Variants in TTC28 observed in about 807,000 individuals in gnomAD.
TTC28 encodes the protein tetratricopeptide repeat domain 28, also known as tetratricopeptide repeat protein 28.
In TTC28, 61 loss-of-function variants were observed where a neutral mutation model predicts 198.0. The observed-to-expected ratio is 0.31, with a 90% confidence interval of 0.25 to 0.38. The LOEUF (loss-of-function observed/expected upper bound fraction) is 0.38, where lower values mean the gene tolerates loss of function less well. Among genes scored for constraint, TTC28 ranks in the 10% least tolerant of loss-of-function variants. TTC28 has a pLI of 1.00. For missense variants in TTC28, 2,678 were observed against 3,164.0 expected (o/e 0.85, Z 3.69); for synonymous variants, 1,171 against 1,297.8 (o/e 0.90, Z 2.10).
chr22:28,444,189 T>A (rs1314334147), intron 2 of TTC28, among the ~76,000 whole-genome samples: 1 of 152,222 alleles, frequency 6.6e-6, no homozygotes, highest in Non-Finnish European at 1.5e-5. Context: ...TGTCAACTCC[T>A]AAACCACCAT....
intron 12 of TTC28, among the ~76,000 whole-genome samples, chr22:28,056,745 T>C (rs1940305999): frequency 6.6e-6 from 1 of 152,314 alleles, no homozygotes; most frequent in South Asian, 2.1e-4. Flanking sequence ...TCTATCAAGA[T>C]TTAGAGCATT....
intron 5 of TTC28, among the ~76,000 whole-genome samples, chr22:28,287,527 C>T (rs887407975): frequency 7.2e-5 from 11 of 151,958 alleles, no homozygotes; most frequent in Non-Finnish European, 1.6e-4. Flanking sequence ...GACAACTAAA[C>T]CTGAAAAAGG....
At chr22:28,631,462 A>C (rs2051172507) in intron 1 of TTC28, among the ~76,000 whole-genome samples, 1 of 152,218 alleles carries the variant, frequency 6.6e-6, no homozygotes, top group South Asian at 2.1e-4. Context: ...ATAATTTTAT[A>C]GCAGCAGTGC....
intron 11 of TTC28, 78 bp downstream of exon 11, chr22:28,096,112 A>G: frequency 6.9e-7 from 1 of 1,446,590 alleles, no homozygotes. Flanking sequence ...ATGATAATGC[A>G]CCTATTCCAC....
In TTC28 at chr22:27,982,325, CG is replaced by C; in HGVS notation, c.7341del (p.Ala2448ProfsTer12). On this transcript the variant is annotated frameshift_variant, in exon 23 of 23. Transcript: ENST00000397906. LOFTEE classifies it high-confidence loss of function. The surrounding 1 kb of genome is among the most constrained non-coding windows in gnomAD (Gnocchi z 5.2). Reference protein sequence around the residue: ...ETTSLGSLPLPAGPPATAPAR... With the variant: ...ETTSLGSLPLXAGPPATAPAR... ...GCGGGGGCTGTGGCGGGAGGGCCGG[CG>C]GGCAGCGGCAGTGAGCCCAGCGAGG... 2 of 1,528,358 alleles carry C rather than the reference CG, an allele frequency of 1.3e-6. No individual in the cohort carries two copies. The highest frequency in any genetic ancestry group is 1.8e-6 in the Non-Finnish European group (2 of 1,134,612). 94.7% of individuals were successfully genotyped at this position (1,528,358 alleles called of 1,614,324 possible).
intron 2 of TTC28, among the ~76,000 whole-genome samples, chr22:28,376,175 T>A (rs1483090923): frequency 6.6e-6 from 1 of 152,218 alleles, no homozygotes; most frequent in Non-Finnish European, 1.5e-5. Context: ...CTATTGGTTG[T>A]GTCTCCCTGG....
intron 5 of TTC28, among the ~76,000 whole-genome samples, chr22:28,274,653 G>A (rs1271434009): frequency 6.6e-6 from 1 of 152,184 alleles, no homozygotes; most frequent in Non-Finnish European, 1.5e-5. Context: ...CAAAAAAGAA[G>A]TATGGATTGC....
chr22:28,225,470 G>C (rs918444081), intron 5 of TTC28, among the ~76,000 whole-genome samples: 1 of 151,992 alleles, frequency 6.6e-6, no homozygotes, highest in African/African-American at 2.4e-5. Flanking sequence ...ACCCATTCCT[G>C]CTTCCACCAA....
Position 28,099,030 on chromosome 22 carries a change from T to C in TTC28, c.3432A>G (p.Ser1144=). 1.3e-6 allele frequency: 2 copies of C among 1,552,022 alleles called. No homozygotes were observed. The highest frequency in any genetic ancestry group is 1.7e-6 in the Non-Finnish European group (2 of 1,147,058). The change falls in exon 10 of 23, where the codon TCA becomes TCG. Residue 1144 remains serine (S), a synonymous_variant. Transcript: ENST00000397906. ...EEAQHQLYRA[S]ALFETIRHEA... Reference sequence around the variant, plus strand: ...CATGTCGGATTGTTTCAAACAAGGCTGATGCCCTATAAAGCTGCAAGGAGG... The same window carrying C: ...CATGTCGGATTGTTTCAAACAAGGCCGATGCCCTATAAAGCTGCAAGGAGG...
intron 6 of TTC28, among the ~76,000 whole-genome samples, chr22:28,127,332 C>T: frequency 6.6e-6 from 1 of 152,166 alleles, no homozygotes; most frequent in African/African-American, 2.4e-5. Flanking sequence ...AAGTGTAAGG[C>T]ATGATTTCAC....
At chr22:28,223,846 C>T (rs1425401056) in intron 5 of TTC28, among the ~76,000 whole-genome samples, 2 of 152,284 alleles carry the variant, frequency 1.3e-5, no homozygotes, top group South Asian at 2.1e-4. Context: ...TAAAAACTCA[C>T]AAAAGCCTGA....
intron 16 of TTC28, among the ~76,000 whole-genome samples, chr22:27,996,631 T>TGCCATGGGG (rs575294845): frequency 0.014 from 2,184 of 152,098 alleles, 31 homozygotes; most frequent in Non-Finnish European, 0.019. Context: ...ATCTCCTCCT[T>TGCCATGGGG]GCCATGGGGG....
chr22:28,360,628 C>T (rs1244601398), intron 2 of TTC28, among the ~76,000 whole-genome samples: 1 of 152,076 alleles, frequency 6.6e-6, no homozygotes, highest in East Asian at 1.9e-4. Flanking sequence ...ATCACCAGTA[C>T]ACATGAACAA....
chr22:28,612,264 CAA>C (rs1190891909), intron 2 of TTC28, among the ~76,000 whole-genome samples: 1 of 152,144 alleles, frequency 6.6e-6, no homozygotes, highest in African/African-American at 2.4e-5. Context: ...ATCACTGCAA[CAA>C]GAGAGCTAAC....
intron 2 of TTC28, among the ~76,000 whole-genome samples, chr22:28,311,856 C>T (rs2045263731): frequency 6.6e-6 from 1 of 151,914 alleles, no homozygotes; most frequent in Non-Finnish European, 1.5e-5. Context: ...CATCATTCTA[C>T]TCTATCTCCA....
At chr22:28,123,156 A>T (rs2146944007) in intron 6 of TTC28, among the ~76,000 whole-genome samples, 1 of 152,350 alleles carries the variant, frequency 6.6e-6, no homozygotes, top group South Asian at 2.1e-4. Flanking sequence ...AAGAACTTCA[A>T]GCCCAGTATC....
At chr22:28,391,072 A>G (rs1266240750) in intron 2 of TTC28, among the ~76,000 whole-genome samples, 1 of 151,962 alleles carries the variant, frequency 6.6e-6, no homozygotes, top group African/African-American at 2.4e-5. Flanking sequence ...GCTTGTCTGT[A>G]AAGGATTTTA....
At chr22:28,371,509 C>CAAAAA (rs1229801209) in intron 2 of TTC28, among the ~76,000 whole-genome samples, 412 of 6,088 alleles carry the variant, frequency 0.068, 88 homozygotes, top group Non-Finnish European at 0.1. Flanking sequence ...GACCCTGTCT[C>CAAAAA]AAAAAAAAAA....
chr22:28,576,490 T>C lies in TTC28; in HGVS notation c.381+53062A>G, dbSNP rs1189026642. Among the ~76,000 whole-genome samples the C allele has an allele frequency of 2.6e-5, 4 of 152,126 alleles. No homozygotes were observed. In the East Asian group the frequency reaches 7.7e-4, roughly 29 times the overall value. ...TATCTAGTTTTCGTAGTGGTAATAT[T>C]AGCCTCATAGAATGAGTTTGGAAGT... On this transcript the variant is annotated intron_variant, in intron 2 of 22. Coordinates refer to ENST00000397906, the MANE Select transcript of TTC28 (RefSeq NM_001145418.2).
Sources: gnomAD v4.1 joint callset for allele counts (sites outside exome capture counted in the v4.1 genomes callset) on GRCh38, gnomAD v4.1.1 for gene constraint, Gnocchi (gnomAD v3.1) non-coding constraint, MANE v1.5 for transcripts, NCBI Gene and HGNC (gene_info 2026-07-23, HGNC 2026-07-21) for gene names.